TLL1: variants seen among roughly 807,000 people sequenced by gnomAD.
TLL1 encodes tolloid-like protein 1.
In TLL1, 49 loss-of-function variants were observed where a neutral mutation model predicts 128.2. That is an observed-to-expected ratio of 0.38 (90% CI 0.30 to 0.48). TLL1 has a LOEUF of 0.48. Among genes scored for constraint, TLL1 ranks in the 20% least tolerant of loss-of-function variants. The probability of loss-of-function intolerance (pLI) is 0.96; values close to 1 mark genes in which losing one functional copy is unlikely to be tolerated. For missense variants in TLL1, 1,123 were observed against 1,242.0 expected, an observed-to-expected ratio of 0.90 and a Z score of 1.44; for synonymous variants, 454 against 418.8, an observed-to-expected ratio of 1.08 and a Z score of -1.03.
intron 1 of TLL1, among the ~76,000 whole-genome samples, chr4:165,958,640 A>T: frequency 7.2e-6 from 1 of 138,124 alleles, no homozygotes; most frequent in African/African-American, 2.9e-5. Flanking sequence ...GGTTGCAAAA[A>T]TTTTCTCCCA....
intron 1 of TLL1, among the ~76,000 whole-genome samples, chr4:165,944,554 AG>A (rs1196506942): frequency 6.6e-6 from 1 of 152,090 alleles, no homozygotes; most frequent in Admixed American, 6.6e-5. Flanking sequence ...TTTCTTTCAC[AG>A]TATAAAGAGA....
intron 1 of TLL1, among the ~76,000 whole-genome samples, chr4:165,916,271 A>G (rs1732771639): frequency 6.6e-6 from 1 of 152,210 alleles, no homozygotes; most frequent in Admixed American, 6.5e-5. Flanking sequence ...CCTGTTTTGT[A>G]TCTTGATCTC....
chr4:165,951,224 A>C (rs143599763), intron 1 of TLL1, among the ~76,000 whole-genome samples: 1 of 152,140 alleles, frequency 6.6e-6, no homozygotes, highest in Non-Finnish European at 1.5e-5. Flanking sequence ...AATAGCCTAC[A>C]CCTATTAAAT....
At chr4:166,034,242 T>G (rs993598497) in intron 9 of TLL1, among the ~76,000 whole-genome samples, 18 of 152,170 alleles carry the variant, frequency 1.2e-4, no homozygotes, top group Admixed American at 1.2e-3. Flanking sequence ...GATCCATGCA[T>G]GACTGAAGAG....
chr4:166,091,416 A>G (rs932181012), intron 19 of TLL1, 75 bp downstream of exon 19: 17 of 1,283,878 alleles, frequency 1.3e-5, no homozygotes, highest in Non-Finnish European at 1.9e-5. Context: ...TGGTTCAATA[A>G]TAGGATTGTA....
chr4:165,991,648 T>C (rs1227116854), intron 2 of TLL1, among the ~76,000 whole-genome samples: 1 of 150,980 alleles, frequency 6.6e-6, no homozygotes, highest in Non-Finnish European at 1.5e-5. Context: ...GAGGCTTATA[T>C]AGCAATAGAT....
At chr4:165,892,538 T>C (rs1385728963) in intron 1 of TLL1, among the ~76,000 whole-genome samples, 2 of 152,188 alleles carry the variant, frequency 1.3e-5, no homozygotes, top group Non-Finnish European at 2.9e-5. Context: ...CCTGAAAATA[T>C]GCCATTAATG....
Position 166,102,282 on chromosome 4 carries a change from T to C in TLL1, c.*1406T>C, listed in dbSNP as rs933082228. The C allele has an allele frequency of 5.2e-5, 8 of 152,484 alleles. No homozygotes were observed. Among genetic ancestry groups the C allele is most frequent in the Admixed American group, 2.0e-4 (3 of 15,238 alleles). The allele number at this position is 152,484 out of a possible 1,614,324, so 9.4% of individuals were successfully genotyped here. A position where few individuals can be genotyped will look rare whatever the true frequency, so the allele number is the denominator to read the frequency against. ...ATGACTGAAGCATTGGATATAAATA[T>C]GGTGTCCTGCTTTTTTTGTAGAAAA... On this transcript the variant is annotated 3_prime_UTR_variant, in exon 21 of 21. Transcript: ENST00000061240.
At chr4:165,975,015 T>G (rs1735809157) in intron 1 of TLL1, among the ~76,000 whole-genome samples, 2 of 152,176 alleles carry the variant, frequency 1.3e-5, no homozygotes, top group Non-Finnish European at 2.9e-5. Context: ...AGTTTCAGTG[T>G]GGGTCTTAGA....
chr4:165,987,647 G>A (rs1010623272), intron 1 of TLL1, among the ~76,000 whole-genome samples: 1 of 152,066 alleles, frequency 6.6e-6, no homozygotes, highest in Non-Finnish European at 1.5e-5. Context: ...ATATGTTGAA[G>A]TGATAACCTA....
intron 20 of TLL1, 109 bp downstream of exon 20, chr4:166,099,636 A>T: frequency 3.4e-6 from 5 of 1,470,516 alleles, no homozygotes; most frequent in Non-Finnish European, 4.7e-6. Context: ...CAAAAAAAAA[A>T]AAAAAAGGCT....
intron 12 of TLL1, chr4:166,044,540 A>C (rs1419682785): frequency 1.0e-6 from 1 of 981,504 alleles, no homozygotes. Context: ...TTCTACTTTA[A>C]TCATTATGTT....
intron 1 of TLL1, among the ~76,000 whole-genome samples, chr4:165,966,079 T>A (rs2110968888): frequency 6.6e-6 from 1 of 150,778 alleles, no homozygotes; most frequent in South Asian, 2.1e-4. Context: ...CTTGGGAGGC[T>A]GAGGCAGAGA....
At chr4:166,091,103 A>AAC in intron 18 of TLL1, 25 bp from the exon 19 acceptor site, 1 of 1,591,504 alleles carries the variant, frequency 6.3e-7, no homozygotes, top group Non-Finnish European at 8.6e-7. Context: ...TTTTTTAAAA[A>AAC]AATTATTTCT....
chr4:165,969,124 GT>G (rs1188329795), intron 1 of TLL1, among the ~76,000 whole-genome samples: 1 of 152,112 alleles, frequency 6.6e-6, no homozygotes, highest in Non-Finnish European at 1.5e-5. Flanking sequence ...TTTCCAACAT[GT>G]TATGAGAGAT....
intron 1 of TLL1, among the ~76,000 whole-genome samples, chr4:165,876,754 AT>A (rs1730739827): frequency 6.6e-6 from 1 of 152,214 alleles, no homozygotes; most frequent in Non-Finnish European, 1.5e-5. Context: ...GTATTTGACA[AT>A]TACACTGCAT....
chr4:165,999,039 A>T (rs909875351), intron 5 of TLL1, among the ~76,000 whole-genome samples: 3 of 151,732 alleles, frequency 2.0e-5, no homozygotes, highest in African/African-American at 7.3e-5. Flanking sequence ...ATTTGAGACC[A>T]CCTCAGCCTG....
In TLL1 at chr4:166,055,273, T is replaced by C; in HGVS notation, c.1720+2T>C. 1 of 1,612,342 alleles carries C rather than the reference T, an allele frequency of 6.2e-7. No homozygotes were observed. The highest frequency in any genetic ancestry group is 8.5e-7 in the Non-Finnish European group (1 of 1,178,756). On this transcript the variant is annotated splice_donor_variant, in intron 13 of 20. Transcript: ENST00000061240. LOFTEE classifies it high-confidence loss of function. ...GGTTTGCTGCTAACTTTTTTAAAGG[T>C]AATTTGAAATAATTTTCAAACGTGA...
At chr4:165,954,513 A>G (rs144576337) in intron 1 of TLL1, among the ~76,000 whole-genome samples, 5,240 of 152,238 alleles carry the variant, frequency 0.034, 115 homozygotes, top group Middle Eastern at 0.058. Context: ...TTTCTTCTTC[A>G]TGGCTCTGTG....
Sources: gnomAD v4.1 joint callset for allele counts (sites outside exome capture counted in the v4.1 genomes callset) on GRCh38, gnomAD v4.1.1 for gene constraint, MANE v1.5 for transcripts, NCBI Gene and HGNC (gene_info 2026-07-23, HGNC 2026-07-21) for gene names.